The following ANK2 variants were observed in gnomAD, a reference collection of about 807,000 sequenced individuals.
ANK2 encodes the protein ankyrin 2.
In ANK2, 83 loss-of-function variants were observed where a neutral mutation model predicts 360.5. The ratio of observed to expected loss-of-function variants is 0.23; its 90% CI spans 0.19 to 0.28. The LOEUF is 0.28. Ranked by LOEUF, ANK2 falls within the 10% of genes least tolerant of loss-of-function variation. The pLI is 1.00. For missense variants in ANK2, 4,201 were observed against 4,795.7 expected, an observed-to-expected ratio of 0.88 and a Z score of 3.66; for synonymous variants, 1,740 against 1,759.5, an observed-to-expected ratio of 0.99 and a Z score of 0.28.
chr4:113,012,954 T>A (rs1481620645), intron 2 of ANK2, among the ~76,000 whole-genome samples: 1 of 152,204 alleles, frequency 6.6e-6, no homozygotes, highest in Non-Finnish European at 1.5e-5. Context: ...CTTCTTAGAA[T>A]AAGTGAAGGG....
the ANK2 span, among the ~76,000 whole-genome samples, chr4:112,757,555 G>C: frequency 6.6e-6 from 1 of 152,216 alleles, no homozygotes; most frequent in African/African-American, 2.4e-5. Context: ...TGTGAGGTGA[G>C]AGCTAATATA....
intron 1 of ANK2, among the ~76,000 whole-genome samples, chr4:113,094,555 CGT>C (rs1272816533): frequency 2.6e-5 from 4 of 151,462 alleles, no homozygotes; most frequent in East Asian, 2.0e-4. Flanking sequence ...TGTGTGTGCG[CGT>C]GTGTGTATAA....
At chr4:113,346,089 G>T (rs1588707302) in intron 35 of ANK2, 67 bp downstream of exon 35, 3 of 1,592,762 alleles carry the variant, frequency 1.9e-6, no homozygotes, top group South Asian at 1.1e-5. Context: ...CTTGTTTTAG[G>T]TCAGTGCAAA....
At chr4:112,916,746 A>G (rs189545340) in intron 2 of ANK2, among the ~76,000 whole-genome samples, 4 of 152,350 alleles carry the variant, frequency 2.6e-5, no homozygotes, top group Admixed American at 2.6e-4. Flanking sequence ...TGTCAGATAA[A>G]TGAATAGGTG....
the ANK2 span, among the ~76,000 whole-genome samples, chr4:112,786,644 C>A: frequency 6.6e-6 from 1 of 151,944 alleles, no homozygotes; most frequent in Non-Finnish European, 1.5e-5. Context: ...CCCACCTCAG[C>A]CTCCTGAAGT....
chr4:112,794,462 A>G, the ANK2 span, among the ~76,000 whole-genome samples: 2 of 152,234 alleles, frequency 1.3e-5, no homozygotes, highest in Non-Finnish European at 2.9e-5. Context: ...TAATAAAGCG[A>G]AATAATCCCA....
At chr4:112,910,889 A>G (rs1280345210) in intron 2 of ANK2, among the ~76,000 whole-genome samples, 2 of 151,892 alleles carry the variant, frequency 1.3e-5, no homozygotes, top group African/African-American at 4.8e-5. Context: ...TCCCAAAATA[A>G]TTTATCATAA....
In ANK2 at chr4:113,054,256, A is replaced by C. The variant is rs114885969; in HGVS notation, c.84+4444A>C. On this transcript the variant is annotated intron_variant, in intron 1 of 45. Transcript: ENST00000357077. Reference sequence around the variant, plus strand: ...AAAATGGCTTTATAGGATACCTTATATTTATTGAAGATGCTTTGATCTGGA... The same window carrying C: ...AAAATGGCTTTATAGGATACCTTATCTTTATTGAAGATGCTTTGATCTGGA... 3.7e-3 allele frequency among the ~76,000 whole-genome samples: 568 copies of C among 152,300 alleles called. 5 individuals are homozygous for C. The highest frequency in any genetic ancestry group is 0.013 in the African/African-American group (546 of 41,580).
At chr4:113,080,975 A>T (rs2082187025) in intron 1 of ANK2, among the ~76,000 whole-genome samples, 1 of 152,226 alleles carries the variant, frequency 6.6e-6, no homozygotes, top group Non-Finnish European at 1.5e-5. Flanking sequence ...GTGCATTGAG[A>T]CTACAAACAA....
At chr4:113,049,975 G>A (rs866990280) in intron 1 of ANK2, among the ~76,000 whole-genome samples, 163 bp downstream of exon 1, 1 of 152,184 alleles carries the variant, frequency 6.6e-6, no homozygotes, top group South Asian at 2.1e-4. Context: ...GCAAACTGCT[G>A]CTTTTTGAGA....
chr4:112,714,943 C>G, the ANK2 span, among the ~76,000 whole-genome samples: 1 of 152,200 alleles, frequency 6.6e-6, no homozygotes, highest in South Asian at 2.1e-4. Context: ...TCAATTGCTA[C>G]ATAACAAACC....
intron 45 of ANK2, among the ~76,000 whole-genome samples, 170 bp from the exon 46 acceptor site, chr4:113,381,286 GT>G (rs987604238): frequency 6.6e-6 from 1 of 152,178 alleles, no homozygotes; most frequent in Non-Finnish European, 1.5e-5. Flanking sequence ...GGGGAGCCAT[GT>G]TTAAAAGAAA....
chr4:113,337,592 A>G (rs1307708779), intron 31 of ANK2, among the ~76,000 whole-genome samples: 1 of 152,156 alleles, frequency 6.6e-6, no homozygotes, highest in Non-Finnish European at 1.5e-5. Flanking sequence ...ATGTTTTTGT[A>G]TTGTTAGAAT....
chr4:112,871,447 A>G (rs138110881), intron 1 of ANK2, among the ~76,000 whole-genome samples: 4,083 of 152,282 alleles, frequency 0.027, 70 homozygotes, highest in Middle Eastern at 0.041. Flanking sequence ...TTGGCCTCCC[A>G]AAGTGCTGAG....
At chr4:113,244,791 G>A (rs1002663690) in intron 9 of ANK2, among the ~76,000 whole-genome samples, 3 of 152,044 alleles carry the variant, frequency 2.0e-5, no homozygotes, top group African/African-American at 7.2e-5. Flanking sequence ...ACAGGCCCCA[G>A]TGTGCGATGT....
intron 2 of ANK2, among the ~76,000 whole-genome samples, chr4:112,913,531 T>C (rs764183210): frequency 7.2e-5 from 11 of 152,240 alleles, no homozygotes; most frequent in Non-Finnish European, 1.0e-4. Flanking sequence ...TTTTGAATAA[T>C]ACATTTTGAA....
chr4:112,931,619 A>G (rs2093252014), intron 2 of ANK2, among the ~76,000 whole-genome samples: 1 of 151,350 alleles, frequency 6.6e-6, no homozygotes, highest in Admixed American at 6.6e-5. Flanking sequence ...TTGTATTTTT[A>G]GTTGAGACAG....
chr4:112,921,052 C>CT (rs1197480851), intron 2 of ANK2, among the ~76,000 whole-genome samples: 9,506 of 135,108 alleles, frequency 0.07, 343 homozygotes, highest in Non-Finnish European at 0.085. Flanking sequence ...TTCTTTTTCT[C>CT]TTTTTTTTTT....
intron 2 of ANK2, chr4:112,979,665 G>C (rs1445796346): frequency 6.6e-6 from 1 of 152,474 alleles, no homozygotes; most frequent in East Asian, 1.9e-4. Context: ...TTCACTGAGC[G>C]ACAGAACAGT....
Sources: allele counts gnomAD v4.1 joint callset (sites outside exome capture counted in the v4.1 genomes callset), GRCh38; gene constraint gnomAD v4.1.1; transcripts MANE v1.5; gene names NCBI Gene and HGNC (gene_info 2026-07-23, HGNC 2026-07-21).